BAALC: variants seen among roughly 807,000 people sequenced by gnomAD.
BAALC encodes the protein brain and acute leukemia cytoplasmic protein.
A neutral mutation model predicts 15.5 loss-of-function variants in BAALC; 9 were observed. That is an observed-to-expected ratio of 0.58 (90% CI 0.35 to 1.02). The LOEUF (loss-of-function observed/expected upper bound fraction) is 1.02, where lower values mean the gene tolerates loss of function less well. BAALC is among the 50% of genes least tolerant of loss of function. BAALC has a pLI of 0.02. For synonymous variants in BAALC, 80 were observed against 74.6 expected, an observed-to-expected ratio of 1.07 and a Z score of -0.37; for missense variants, 201 against 192.4, an observed-to-expected ratio of 1.04 and a Z score of -0.27.
At chr8:103,223,061 C>G (rs1812715891) in intron 2 of BAALC, among the ~76,000 whole-genome samples, 1 of 152,144 alleles carries the variant, frequency 6.6e-6, no homozygotes, top group South Asian at 2.1e-4. Context: ...GCCTGTAATT[C>G]CAGCACTTTG....
intron 1 of BAALC, among the ~76,000 whole-genome samples, chr8:103,145,026 C>G (rs1333549968): frequency 1.3e-5 from 2 of 152,202 alleles, no homozygotes; most frequent in Non-Finnish European, 2.9e-5. Flanking sequence ...GAATCTAGTT[C>G]TATCCATTTC....
chr8:103,204,592 G>T (rs1393420216), intron 1 of BAALC, among the ~76,000 whole-genome samples: 1 of 152,090 alleles, frequency 6.6e-6, no homozygotes, highest in Non-Finnish European at 1.5e-5. Flanking sequence ...CTTAGTTTTT[G>T]TATATGGTGT....
intron 2 of BAALC, among the ~76,000 whole-genome samples, chr8:103,224,088 CATATGTGCATGTGCTTCTGCGTGCGTCTG>C (rs1812742563): frequency 6.7e-6 from 1 of 149,606 alleles, no homozygotes; most frequent in South Asian, 2.2e-4. Flanking sequence ...TGCGTGTGTG[CATATGTGCATGTGCTTCTGCGTGCGTCTG>C]TGTGTGTGTG....
At chr8:103,167,316 T>A (rs533471576) in intron 1 of BAALC, among the ~76,000 whole-genome samples, 1 of 151,860 alleles carries the variant, frequency 6.6e-6, no homozygotes, top group South Asian at 2.1e-4. Context: ...CTAGGAGGAG[T>A]CCTTGTGGAG....
intron 1 of BAALC, among the ~76,000 whole-genome samples, chr8:103,200,019 T>C (rs1049740823): frequency 6.6e-5 from 10 of 152,224 alleles, no homozygotes; most frequent in African/African-American, 2.2e-4. Flanking sequence ...TAGTATTCTA[T>C]GGTGTATATA....
rs571948187 is a variant in BAALC at position 103,148,272 on chromosome 8, C to A, written c.160+7215C>A. On this transcript the variant is annotated intron_variant, in intron 1 of 2. Transcript: ENST00000309982. Reference sequence around the variant, plus strand: ...AGAGACCGGTGATGCTGCCACCAGCCAAGGAGCATCAAGGAAAGTCCACTG... The same window carrying A: ...AGAGACCGGTGATGCTGCCACCAGCAAAGGAGCATCAAGGAAAGTCCACTG... Among the ~76,000 whole-genome samples the A allele has an allele frequency of 2.0e-5, 3 of 152,126 alleles. No individual in the cohort carries two copies. In the East Asian group the frequency reaches 5.8e-4, roughly 29 times the overall value.
chr8:103,214,200 T>C (rs1421442036), intron 2 of BAALC, among the ~76,000 whole-genome samples: 4 of 152,210 alleles, frequency 2.6e-5, no homozygotes, highest in Non-Finnish European at 5.9e-5. Context: ...AAAGGTCACC[T>C]CTTGGGCATT....
chr8:103,200,868 C>T, intron 1 of BAALC: 1 of 521,254 alleles, frequency 1.9e-6, no homozygotes, highest in Non-Finnish European at 3.6e-6. Flanking sequence ...CCTCTTAATA[C>T]TATTGCATTG....
chr8:103,174,281 C>T (rs932023488), intron 1 of BAALC, among the ~76,000 whole-genome samples: 5 of 143,024 alleles, frequency 3.5e-5, no homozygotes, highest in Non-Finnish European at 7.5e-5. Context: ...AAAAAAGTGC[C>T]AGTCTGTTCT....
chr8:103,193,368 C>A (rs905937319), intron 1 of BAALC, among the ~76,000 whole-genome samples: 6 of 152,210 alleles, frequency 3.9e-5, no homozygotes, highest in Non-Finnish European at 7.4e-5. Context: ...TACATCCTGG[C>A]CAACTTGGCA....
In BAALC at chr8:103,146,356, C is replaced by G. The variant is rs116947793; in HGVS notation, c.160+5299C>G. ...GTGAGAGCACCTGTGGAGAGGACAG[C>G]CAGGGCTTCCTGGTGGATAAACCCC... is the stretch of plus-strand genomic sequence containing the variant. On this transcript the variant is annotated intron_variant, in intron 1 of 2. Coordinates refer to ENST00000309982, the MANE Select transcript of BAALC (RefSeq NM_024812.3). Among the ~76,000 whole-genome samples, 407 of 152,274 alleles carry G rather than the reference C, an allele frequency of 2.7e-3. 5 individuals carry two copies. Among genetic ancestry groups the G allele is most frequent in the Middle Eastern group, 0.01 (3 of 294 alleles).
chr8:103,150,820 T>C (rs567444400), intron 1 of BAALC, among the ~76,000 whole-genome samples: 1 of 152,128 alleles, frequency 6.6e-6, no homozygotes, highest in Non-Finnish European at 1.5e-5. Context: ...TGAATTCTGA[T>C]ACAGCCACAC....
In BAALC at chr8:103,228,932, T is replaced by G. The variant is rs1271853425; in HGVS notation, c.*833T>G. The G allele has an allele frequency of 6.6e-6, 1 of 152,264 alleles. No individual in the cohort carries two copies. The highest frequency in any genetic ancestry group is 1.5e-5 in the Non-Finnish European group (1 of 68,066). The allele number at this position is 152,264 out of a possible 1,614,324, so 9.4% of individuals were successfully genotyped here. On this transcript the variant is annotated 3_prime_UTR_variant, in exon 3 of 3. Transcript: ENST00000309982. ...CTTGTCTTCTTGACTGTCTTCCCTC[T>G]CTATCGGGGTCACTTGCAATTGTTA...
In BAALC at chr8:103,212,912, C is replaced by T. The variant is rs773786578; in HGVS notation, c.161-7C>T. On this transcript the variant is annotated splice_polypyrimidine_tract_variant and splice_region_variant and intron_variant, in intron 1 of 2. Coordinates refer to ENST00000309982, the MANE Select transcript of BAALC (RefSeq NM_024812.3). Reference sequence around the variant, plus strand: ...TTCTGGTTCCATCCTCTGCTTACCTCCCCCAGGCATGCTGGAAGATGGACT... The same window carrying T: ...TTCTGGTTCCATCCTCTGCTTACCTTCCCCAGGCATGCTGGAAGATGGACT... 2 of 1,610,668 alleles carry T rather than the reference C, an allele frequency of 1.2e-6. No individual in the cohort carries two copies. The highest frequency in any genetic ancestry group is 1.1e-5 in the South Asian group (1 of 90,612).
At chr8:103,186,184 C>A (rs1043569934) in intron 1 of BAALC, among the ~76,000 whole-genome samples, 8 of 152,138 alleles carry the variant, frequency 5.3e-5, no homozygotes, top group Non-Finnish European at 1.2e-4. Context: ...TACTGGATGT[C>A]CAGGAGTTGC....
chr8:103,230,184 T>TA lies in BAALC; in HGVS notation c.*2090dup, dbSNP rs1443694417. ...GCAACCAGAAGTTAAACCATGTGAC[T>TA]AAAAATGCATCTGGCTACTTTTTCA... On this transcript the variant is annotated 3_prime_UTR_variant, in exon 3 of 3. Coordinates refer to ENST00000309982, the MANE Select transcript of BAALC (RefSeq NM_024812.3). 1.3e-5 allele frequency: 2 copies of TA among 148,446 alleles called. No homozygotes were observed. The highest frequency in any genetic ancestry group is 2.0e-4 in the East Asian group (1 of 4,892). The allele number at this position is 148,446 out of a possible 1,614,324, so 9.2% of individuals were successfully genotyped here.
Position 103,153,079 on chromosome 8 carries a change from G to A in BAALC, c.160+12022G>A, listed in dbSNP as rs1317006449. The A allele has an allele frequency of 3.3e-5, 5 of 152,334 alleles. No individual in the cohort carries two copies. The East Asian group carries it at 9.6e-4, about 29-fold the overall frequency. 9.4% of individuals were successfully genotyped at this position (152,334 alleles called of 1,614,324 possible). Reference sequence around the variant, plus strand: ...TAGCTTTTTACCCTATATTGACCAGGCATTGGATGTGGGCTTCCCCAGCAA... The same window carrying A: ...TAGCTTTTTACCCTATATTGACCAGACATTGGATGTGGGCTTCCCCAGCAA... On this transcript the variant is annotated intron_variant, in intron 1 of 2. Coordinates refer to ENST00000309982, the MANE Select transcript of BAALC (RefSeq NM_024812.3).
Position 103,198,175 on chromosome 8 carries a change from A to G in BAALC, c.161-14744A>G, listed in dbSNP as rs182898026. On this transcript the variant is annotated intron_variant, in intron 1 of 2. Transcript: ENST00000309982. ...CCAACCATTGATTTAAAAAGGTAGG[A>G]CTTTTTTTTGTAAAATAGGCATTGC... 2.7e-4 allele frequency: 189 copies of G among 699,216 alleles called. No homozygotes were observed. In the African/African-American group the frequency reaches 3.0e-3, roughly 11 times the overall value. The allele number at this position is 699,216 out of a possible 1,614,324, so 43.3% of individuals were successfully genotyped here. A position where few individuals can be genotyped will look rare whatever the true frequency, so the allele number is the denominator to read the frequency against.
intron 1 of BAALC, among the ~76,000 whole-genome samples, chr8:103,177,806 A>T (rs536296996): frequency 6.6e-6 from 1 of 152,352 alleles, no homozygotes; most frequent in African/African-American, 2.4e-5. Context: ...CATTAAATAA[A>T]ATAATATACC....
Sources: gnomAD v4.1 joint callset for allele counts (sites outside exome capture counted in the v4.1 genomes callset) on GRCh38, gnomAD v4.1.1 for gene constraint, MANE v1.5 for transcripts, NCBI Gene and HGNC (gene_info 2026-07-23, HGNC 2026-07-21) for gene names.